Variants in CNTN6 observed in about 807,000 individuals in gnomAD.
The protein encoded by CNTN6 is contactin 6.
CNTN6 carries 137 observed loss-of-function variants against 122.8 expected under a neutral mutation model. That is an observed-to-expected ratio of 1.12 (90% CI 0.97 to 1.29). The LOEUF (loss-of-function observed/expected upper bound fraction) is 1.29, where lower values mean the gene tolerates loss of function less well. Among genes scored for constraint, CNTN6 ranks in the 50% most tolerant of loss-of-function variants. CNTN6 has a pLI of 0.00. For synonymous variants in CNTN6, 570 were observed against 426.0 expected (o/e 1.34, Z -4.16); for missense variants, 1,634 against 1,223.4 (o/e 1.34, Z -5.01).
chr3:1,174,064 C>T (rs373151686), intron 2 of CNTN6, among the ~76,000 whole-genome samples: 2 of 152,180 alleles, frequency 1.3e-5, no homozygotes, highest in East Asian at 1.9e-4. Context: ...ACTTTGTGCT[C>T]ATTCAAATAT....
Position 1,297,951 on chromosome 3 carries a change from A to C in CNTN6, c.721A>C (p.Lys241Gln), listed in dbSNP as rs752981481. ...VRFPETIQAA[K>Q]DSSVKLECFA... ...TTTTCCTGAAACTATACAAGCTGCA[A>C]AGGATTCATCTGTAAAACTGGAATG... The change falls in exon 7 of 23, where the codon AAG becomes CAG. Residue 241 changes from lysine to glutamine, a missense_variant. Physicochemically the swap from Lys to Gln is moderately conservative, Grantham distance 53. Transcript: ENST00000446702. 3 of 1,612,678 alleles carry C rather than the reference A, an allele frequency of 1.9e-6. No homozygotes were observed. The East Asian group carries it at 6.7e-5, about 36-fold the overall frequency.
At chr3:1,355,627 A>C (rs1288459113) in intron 12 of CNTN6, among the ~76,000 whole-genome samples, 2 of 151,774 alleles carry the variant, frequency 1.3e-5, no homozygotes, top group African/African-American at 4.8e-5. Context: ...AGTAATATTC[A>C]TATGATTGCT....
chr3:1,172,615 A>ACTCTCT (rs148092428), intron 2 of CNTN6, among the ~76,000 whole-genome samples: 1,326 of 76,792 alleles, frequency 0.017, 13 homozygotes, highest in African/African-American at 0.072. Flanking sequence ...GTCTGCAATA[A>ACTCTCT]CTCTCTGTGT....
intron 4 of CNTN6, among the ~76,000 whole-genome samples, chr3:1,273,658 AATT>A (rs1312303729): frequency 1.3e-5 from 2 of 152,188 alleles, no homozygotes; most frequent in African/African-American, 4.8e-5. Context: ...TTAAAACGTG[AATT>A]ATTAATTAAA....
intron 2 of CNTN6, among the ~76,000 whole-genome samples, chr3:1,157,857 T>G (rs1317978051): frequency 6.6e-6 from 1 of 152,224 alleles, no homozygotes; most frequent in African/African-American, 2.4e-5. Context: ...TAGTACTCCA[T>G]TTTGCATACG....
At chr3:1,097,732 T>TA (rs1559303066) in intron 1 of CNTN6, among the ~76,000 whole-genome samples, 1 of 152,150 alleles carries the variant, frequency 6.6e-6, no homozygotes. Context: ...GGTAAATATG[T>TA]AAAAAATCTT....
intron 20 of CNTN6, among the ~76,000 whole-genome samples, chr3:1,387,293 T>TGTGA (rs1246837751): frequency 6.6e-6 from 1 of 152,238 alleles, no homozygotes; most frequent in Non-Finnish European, 1.5e-5. Flanking sequence ...CAGGCTGGGC[T>TGTGA]GTGAGTTATT....
At chr3:1,216,160 T>C (rs1412218340) in intron 2 of CNTN6, among the ~76,000 whole-genome samples, 1 of 152,140 alleles carries the variant, frequency 6.6e-6, no homozygotes, top group African/African-American at 2.4e-5. Flanking sequence ...CTTTTTTTTT[T>C]TTCCTAGAAG....
At chr3:1,332,564 A>G (rs1702471327) in intron 11 of CNTN6, among the ~76,000 whole-genome samples, 1 of 148,482 alleles carries the variant, frequency 6.7e-6, no homozygotes, top group African/African-American at 2.6e-5. Flanking sequence ...AAGAGGGGGA[A>G]AGAAAGAAAG....
intron 5 of CNTN6, among the ~76,000 whole-genome samples, chr3:1,289,589 A>G (rs886709269): frequency 6.6e-6 from 1 of 152,048 alleles, no homozygotes; most frequent in Non-Finnish European, 1.5e-5. Flanking sequence ...AAGGTGGTCC[A>G]CCATTCAAAA....
At chr3:1,299,092 G>A (rs1371756025) in intron 7 of CNTN6, among the ~76,000 whole-genome samples, 1 of 152,108 alleles carries the variant, frequency 6.6e-6, no homozygotes, top group Non-Finnish European at 1.5e-5. Context: ...TCTCAGAATA[G>A]TCATTTCTCA....
intron 11 of CNTN6, among the ~76,000 whole-genome samples, chr3:1,345,601 C>T (rs1417746075): frequency 6.6e-6 from 1 of 152,080 alleles, no homozygotes; most frequent in Admixed American, 6.6e-5. Context: ...AGATATTACA[C>T]ATTAACTATA....
intron 5 of CNTN6, among the ~76,000 whole-genome samples, chr3:1,290,117 C>A (rs566941851): frequency 6.6e-6 from 1 of 152,182 alleles, no homozygotes; most frequent in Non-Finnish European, 1.5e-5. Flanking sequence ...TGGAGCCCAG[C>A]GGCTTGTGGT....
At chr3:1,231,963 G>T (rs149948137) in intron 4 of CNTN6, among the ~76,000 whole-genome samples, 1 of 152,140 alleles carries the variant, frequency 6.6e-6, no homozygotes, top group Non-Finnish European at 1.5e-5. Flanking sequence ...TGGTGGTAAA[G>T]GTTGAACTTA....
At chr3:1,120,916 C>T (rs2091923786) in intron 1 of CNTN6, among the ~76,000 whole-genome samples, 1 of 151,708 alleles carries the variant, frequency 6.6e-6, no homozygotes, top group South Asian at 2.1e-4. Context: ...TTTAAAGCCT[C>T]TTAGCTTTTA....
At chr3:1,338,258 G>A (rs2126027396) in intron 11 of CNTN6, among the ~76,000 whole-genome samples, 1 of 152,232 alleles carries the variant, frequency 6.6e-6, no homozygotes, top group South Asian at 2.1e-4. Flanking sequence ...CTTGTAGAGT[G>A]GCTGTGAATT....
At chr3:1,120,434 T>C (rs2091906499) in intron 1 of CNTN6, among the ~76,000 whole-genome samples, 1 of 151,966 alleles carries the variant, frequency 6.6e-6, no homozygotes, top group South Asian at 2.1e-4. Flanking sequence ...TAGCTTTAAT[T>C]TGCATTTCCC....
chr3:1,189,653 C>T (rs748966824), intron 2 of CNTN6, among the ~76,000 whole-genome samples: 4 of 152,088 alleles, frequency 2.6e-5, no homozygotes, highest in African/African-American at 4.8e-5. Flanking sequence ...TCCTTCATGT[C>T]GACTCCATTT....
chr3:1,224,576 ACT>A (rs1434135326), intron 3 of CNTN6, among the ~76,000 whole-genome samples: 5 of 148,166 alleles, frequency 3.4e-5, no homozygotes, highest in Non-Finnish European at 7.4e-5. Flanking sequence ...AATAAATAAA[ACT>A]CAAAAAAAAA....
Sources: gnomAD v4.1 joint callset for allele counts (sites outside exome capture counted in the v4.1 genomes callset) on GRCh38, gnomAD v4.1.1 for gene constraint, MANE v1.5 for transcripts, NCBI Gene and HGNC (gene_info 2026-07-23, HGNC 2026-07-21) for gene names.